The following APOBEC1 variants were observed in gnomAD, a reference collection of about 807,000 sequenced individuals.
APOBEC1 encodes the protein apolipoprotein B mRNA editing enzyme catalytic subunit 1.
A neutral mutation model predicts 26.3 loss-of-function variants in APOBEC1; 22 were observed. The ratio of observed to expected loss-of-function variants is 0.84; its 90% CI spans 0.60 to 1.19. The LOEUF is 1.19. APOBEC1 is among the 50% of genes most tolerant of loss of function. The pLI, the probability that APOBEC1 is intolerant of heterozygous loss-of-function variation, is 0.00. For synonymous variants in APOBEC1, 77 were observed against 95.3 expected (o/e 0.81, Z 1.12); for missense variants, 253 against 289.0 (o/e 0.88, Z 0.90).
At position 7,649,462 on chromosome 12, in the gene APOBEC1, C is replaced by T; in HGVS notation, c.*85G>A. ...ACAGAGTTTTGGGGTACCTTGTGAA[C>T]ATTTCTAGATTCTAAATGGCATTCA... On this transcript the variant is annotated 3_prime_UTR_variant, in exon 5 of 5. Transcript: ENST00000229304. The T allele has an allele frequency of 6.9e-7, 1 of 1,452,196 alleles. No homozygotes were observed. The highest frequency in any genetic ancestry group is 9.4e-7 in the Non-Finnish European group (1 of 1,061,694). The allele number at this position is 1,452,196 out of a possible 1,614,324, so 90.0% of individuals were successfully genotyped here.
chr12:7,669,803 T>C (rs1045489329), upstream of APOBEC1, among the ~76,000 whole-genome samples: 16 of 152,172 alleles, frequency 1.1e-4, no homozygotes, highest in Non-Finnish European at 1.8e-4. Context: ...TCATCAGTAC[T>C]TAGTAATGTC....
At chr12:7,658,024 T>A (rs767494946) in intron 1 of APOBEC1, among the ~76,000 whole-genome samples, 1 of 151,710 alleles carries the variant, frequency 6.6e-6, no homozygotes, top group South Asian at 2.1e-4. Flanking sequence ...CGAAATAGAA[T>A]CACCTGGAAA....
intron 1 of APOBEC1, among the ~76,000 whole-genome samples, chr12:7,656,533 C>A (rs1323683245): frequency 6.6e-6 from 1 of 152,192 alleles, no homozygotes; most frequent in Non-Finnish European, 1.5e-5. Context: ...GTCCATGAAT[C>A]TCAGTCTAGT....
At chr12:7,669,009 GGTGTGA>G (rs1863924481), upstream of APOBEC1, among the ~76,000 whole-genome samples, 4 of 152,086 alleles carry the variant, frequency 2.6e-5, no homozygotes, top group Non-Finnish European at 5.9e-5. Flanking sequence ...TGGGATTACA[GGTGTGA>G]GCCACCATGC....
chr12:7,660,410 A>AAGAAAGAAAGAAAGAGAG (rs111744018), intron 1 of APOBEC1, among the ~76,000 whole-genome samples: 27 of 84,154 alleles, frequency 3.2e-4, no homozygotes, highest in Middle Eastern at 5.5e-3. Context: ...GAAAGAAAGA[A>AAGAAAGAAAGAAAGAGAG]AGAGAGGGTA....
intron 4 of APOBEC1, 145 bp from the exon 5 acceptor site, chr12:7,649,841 G>T: frequency 1.4e-6 from 1 of 714,014 alleles, no homozygotes; most frequent in Non-Finnish European, 2.2e-6. Flanking sequence ...TCTGGTTCTG[G>T]ACTCACTGCA....
intron 1 of APOBEC1, among the ~76,000 whole-genome samples, chr12:7,659,532 G>A (rs895405862): frequency 1.3e-5 from 2 of 151,390 alleles, no homozygotes; most frequent in African/African-American, 2.4e-5. Context: ...ATAGGTGTGC[G>A]TGCACAGACA....
chr12:7,667,265 A>G (rs1262979777), upstream of APOBEC1, among the ~76,000 whole-genome samples: 1 of 151,986 alleles, frequency 6.6e-6, no homozygotes, highest in East Asian at 1.9e-4. Context: ...TCCCTATGCC[A>G]TTGCTCTCTG....
At chr12:7,666,450 C>T (rs1306452964), upstream of APOBEC1, among the ~76,000 whole-genome samples, 3 of 151,890 alleles carry the variant, frequency 2.0e-5, no homozygotes, top group East Asian at 1.9e-4. Context: ...CCCAACACCA[C>T]GCCCGGCTAA....
intron 1 of APOBEC1, 109 bp from the exon 2 acceptor site, chr12:7,654,741 T>C: frequency 9.2e-7 from 1 of 1,083,294 alleles, no homozygotes; most frequent in Non-Finnish European, 1.4e-6. Context: ...AAAATGGAAT[T>C]TGAAGATTCT....
chr12:7,668,035 A>G (rs1000349979), upstream of APOBEC1, among the ~76,000 whole-genome samples: 2 of 152,184 alleles, frequency 1.3e-5, no homozygotes, highest in Non-Finnish European at 2.9e-5. Flanking sequence ...TTAATTAAAA[A>G]TCTTGAGATG....
chr12:7,664,683 G>A (rs1007893336), intron 1 of APOBEC1, among the ~76,000 whole-genome samples: 1 of 152,152 alleles, frequency 6.6e-6, no homozygotes, highest in Non-Finnish European at 1.5e-5. Flanking sequence ...GGGAGGCCGA[G>A]GCTAGTGGAT....
chr12:7,668,603 T>G (rs1863920540), upstream of APOBEC1, among the ~76,000 whole-genome samples: 1 of 152,212 alleles, frequency 6.6e-6, no homozygotes, highest in Non-Finnish European at 1.5e-5. Context: ...AAGGATGAAA[T>G]GTAGCTATTC....
rs759639415 is a variant in APOBEC1 at position 7,651,674 on chromosome 12, G to A, written c.443-533C>T. Among the ~76,000 whole-genome samples, 42 of 151,090 alleles carry A rather than the reference G, an allele frequency of 2.8e-4. No individual in the cohort carries two copies. The South Asian group carries it at 8.6e-3, about 31-fold the overall frequency. The stretch of plus-strand genomic sequence containing the variant: ...TTTTTGTTTTTTGATACAGGGTTTC[G>A]CTCTGTCACCTAGGCCAGTGTGCAG... On this transcript the variant is annotated intron_variant, in intron 3 of 4. Coordinates refer to ENST00000229304, the MANE Select transcript of APOBEC1 (RefSeq NM_001644.5).
intron 1 of APOBEC1, among the ~76,000 whole-genome samples, chr12:7,657,491 AG>A (rs964962498): frequency 5.9e-5 from 9 of 152,160 alleles, no homozygotes; most frequent in Non-Finnish European, 1.0e-4. Context: ...AAAGTGAGCA[AG>A]GGCTGTGGAA....
chr12:7,668,689 T>A (rs897160885), upstream of APOBEC1, among the ~76,000 whole-genome samples: 2 of 152,088 alleles, frequency 1.3e-5, no homozygotes, highest in African/African-American at 4.8e-5. Flanking sequence ...ACTACTCCAG[T>A]CAAGATATTT....
chr12:7,661,326 T>C (rs1222976892), intron 1 of APOBEC1, among the ~76,000 whole-genome samples: 1 of 151,564 alleles, frequency 6.6e-6, no homozygotes, highest in Non-Finnish European at 1.5e-5. Context: ...ACTATCTCGG[T>C]AGCAGAGTCA....
intron 2 of APOBEC1, 99 bp from the exon 3 acceptor site, chr12:7,652,934 TA>T: frequency 9.5e-7 from 1 of 1,053,692 alleles, no homozygotes. Flanking sequence ...TATTTTATTT[TA>T]TTTTATTTTT....
chr12:7,652,104 G>A (rs1592056970), intron 3 of APOBEC1, among the ~76,000 whole-genome samples: 2 of 152,156 alleles, frequency 1.3e-5, no homozygotes, highest in Non-Finnish European at 2.9e-5. Flanking sequence ...TTACAGGCGT[G>A]AGCCACCGCA....
Sources: gnomAD v4.1 joint callset for allele counts (sites outside exome capture counted in the v4.1 genomes callset) on GRCh38, gnomAD v4.1.1 for gene constraint, MANE v1.5 for transcripts, NCBI Gene and HGNC (gene_info 2026-07-23, HGNC 2026-07-21) for gene names.